Variants in KHDRBS2 observed in about 807,000 individuals in gnomAD.
KHDRBS2 encodes the protein KH RNA binding domain containing, signal transduction associated 2, also known as KH domain-containing, RNA-binding, signal transduction-associated protein 2.
A neutral mutation model predicts 44.3 loss-of-function variants in KHDRBS2; 26 were observed. The observed-to-expected ratio is 0.59, with a 90% CI of 0.43 to 0.81. KHDRBS2 has a LOEUF of 0.81. Ranked by LOEUF, KHDRBS2 falls within the 40% of genes least tolerant of loss-of-function variation. The pLI, the probability that KHDRBS2 is intolerant of heterozygous loss-of-function variation, is 0.00. For missense variants in KHDRBS2, 476 were observed against 433.1 expected (o/e 1.10, Z -0.88); for synonymous variants, 194 against 151.1 (o/e 1.28, Z -2.08).
chr6:62,139,545 T>C (rs1220249022), intron 2 of KHDRBS2, among the ~76,000 whole-genome samples: 6 of 111,332 alleles, frequency 5.4e-5, no homozygotes, highest in Non-Finnish European at 8.9e-5. Flanking sequence ...AGAGTAAGAC[T>C]CCGCCTCAAA....
the KHDRBS2 span, among the ~76,000 whole-genome samples, chr6:61,673,976 G>A: frequency 6.6e-6 from 1 of 151,670 alleles, no homozygotes; most frequent in Admixed American, 6.6e-5. Context: ...AGTCAATCCT[G>A]AGCCAGAAGA....
the KHDRBS2 span, among the ~76,000 whole-genome samples, chr6:61,610,974 A>T: frequency 6.6e-6 from 1 of 152,188 alleles, no homozygotes; most frequent in Admixed American, 6.5e-5. Flanking sequence ...GGCCCCTATG[A>T]TATCTTTCTG....
At chr6:61,852,585 C>T (rs1319056075) in intron 6 of KHDRBS2, among the ~76,000 whole-genome samples, 3 of 151,166 alleles carry the variant, frequency 2.0e-5, no homozygotes, top group Non-Finnish European at 3.0e-5. Context: ...AAAAAGATTT[C>T]CCCCCCTTTA....
intron 2 of KHDRBS2, among the ~76,000 whole-genome samples, chr6:62,071,591 A>G (rs990188010): frequency 6.6e-6 from 1 of 152,184 alleles, no homozygotes; most frequent in African/African-American, 2.4e-5. Flanking sequence ...CATTTATTAA[A>G]TAGGGAATCC....
intron 2 of KHDRBS2, among the ~76,000 whole-genome samples, chr6:62,159,989 TG>T (rs1240124783): frequency 6.6e-6 from 1 of 152,162 alleles, no homozygotes; most frequent in Non-Finnish European, 1.5e-5. Flanking sequence ...CAACTTCTAT[TG>T]TTCAACTGTC....
At chr6:61,859,718 C>T (rs1020568740) in intron 6 of KHDRBS2, among the ~76,000 whole-genome samples, 2 of 151,912 alleles carry the variant, frequency 1.3e-5, no homozygotes, top group African/African-American at 4.8e-5. Flanking sequence ...TCAACATAAA[C>T]ATGCAAGTGT....
At chr6:61,684,648 C>G (rs894683056) in intron 8 of KHDRBS2, among the ~76,000 whole-genome samples, 1 of 151,732 alleles carries the variant, frequency 6.6e-6, no homozygotes, top group Non-Finnish European at 1.5e-5. Context: ...GTAAGATTCT[C>G]TCAATATCAG....
At chr6:61,719,902 A>G (rs567393898) in intron 7 of KHDRBS2, among the ~76,000 whole-genome samples, 1 of 152,052 alleles carries the variant, frequency 6.6e-6, no homozygotes, top group Non-Finnish European at 1.5e-5. Flanking sequence ...AGCATTAGGT[A>G]CATCTCCCAG....
At chr6:61,674,776 G>A in the KHDRBS2 span, among the ~76,000 whole-genome samples, 24 of 151,724 alleles carry the variant, frequency 1.6e-4, no homozygotes, top group East Asian at 2.7e-3. Context: ...GTGATACTCA[G>A]CCAGCTCAAA....
intron 3 of KHDRBS2, among the ~76,000 whole-genome samples, chr6:61,992,085 C>A (rs1286479586): frequency 1.3e-5 from 2 of 152,168 alleles, no homozygotes; most frequent in Admixed American, 1.3e-4. Flanking sequence ...AAATTTACAG[C>A]ATGTACTCAA....
At chr6:62,068,654 T>C (rs1436333759) in intron 2 of KHDRBS2, among the ~76,000 whole-genome samples, 1 of 151,642 alleles carries the variant, frequency 6.6e-6, no homozygotes, top group Non-Finnish European at 1.5e-5. Flanking sequence ...CTATGATCCA[T>C]TTTGAGTTAG....
chr6:62,015,398 G>C (rs553183265), intron 3 of KHDRBS2, among the ~76,000 whole-genome samples: 1 of 152,150 alleles, frequency 6.6e-6, no homozygotes, highest in Non-Finnish European at 1.5e-5. Flanking sequence ...TAAGGGAAAA[G>C]TGGTGGAGAT....
At chr6:62,041,204 G>A (rs866488063) in intron 3 of KHDRBS2, among the ~76,000 whole-genome samples, 22 of 152,030 alleles carry the variant, frequency 1.4e-4, no homozygotes, top group African/African-American at 3.6e-4. Context: ...GGTGGCGGGC[G>A]CCTGTAATCC....
intron 6 of KHDRBS2, among the ~76,000 whole-genome samples, chr6:61,871,322 G>T (rs1489924285): frequency 6.6e-6 from 1 of 152,118 alleles, no homozygotes; most frequent in African/African-American, 2.4e-5. Flanking sequence ...ACAATGAAAA[G>T]GAATAAACAA....
At chr6:61,951,352 T>C (rs1764701730) in intron 4 of KHDRBS2, among the ~76,000 whole-genome samples, 1 of 152,024 alleles carries the variant, frequency 6.6e-6, no homozygotes, top group Non-Finnish European at 1.5e-5. Flanking sequence ...ATATTGGGCA[T>C]GGGAAAGTAA....
intron 1 of KHDRBS2, among the ~76,000 whole-genome samples, chr6:62,199,567 G>A (rs1236051061): frequency 3.9e-5 from 6 of 152,118 alleles, no homozygotes; most frequent in African/African-American, 9.7e-5. Context: ...ACAAACCACT[G>A]CTCAATGAAA....
intron 2 of KHDRBS2, among the ~76,000 whole-genome samples, chr6:62,123,781 G>A (rs1808287231): frequency 1.3e-5 from 2 of 152,186 alleles, no homozygotes; most frequent in Admixed American, 6.5e-5. Context: ...AAATCCTACA[G>A]TGCTATTTGA....
At chr6:61,607,117 A>G in the KHDRBS2 span, among the ~76,000 whole-genome samples, 2 of 151,954 alleles carry the variant, frequency 1.3e-5, no homozygotes, top group Non-Finnish European at 2.9e-5. Context: ...AAAGTTAGTT[A>G]CAACAGACTA....
intron 2 of KHDRBS2, among the ~76,000 whole-genome samples, chr6:62,069,239 C>T (rs1794442068): frequency 6.6e-6 from 1 of 151,588 alleles, no homozygotes; most frequent in Admixed American, 6.6e-5. Flanking sequence ...CTTTGTATAT[C>T]ATATGTGTTA....
Sources: gnomAD v4.1 joint callset for allele counts (sites outside exome capture counted in the v4.1 genomes callset) on GRCh38, gnomAD v4.1.1 for gene constraint, MANE v1.5 for transcripts, NCBI Gene and HGNC (gene_info 2026-07-23, HGNC 2026-07-21) for gene names.